Variants in ADAMTSL1 observed in about 807,000 individuals in gnomAD.
The protein encoded by ADAMTSL1 is ADAMTS like 1.
Under a neutral mutation model 201.8 loss-of-function variants are expected in ADAMTSL1, and 126 were observed. The ratio of observed to expected loss-of-function variants is 0.62; its 90% confidence interval spans 0.54 to 0.72. The LOEUF (loss-of-function observed/expected upper bound fraction) is 0.72, where lower values mean the gene tolerates loss of function less well. ADAMTSL1 is among the 30% of genes least tolerant of loss of function. ADAMTSL1 has a pLI of 0.00. For synonymous variants in ADAMTSL1, 1,121 were observed against 903.4 expected (o/e 1.24, Z -4.32); for missense variants, 2,679 against 2,277.8 (o/e 1.18, Z -3.59).
At chr9:18,722,115 C>G (rs974103407) in intron 15 of ADAMTSL1, among the ~76,000 whole-genome samples, 1 of 151,400 alleles carries the variant, frequency 6.6e-6, no homozygotes, top group Non-Finnish European at 1.5e-5. Flanking sequence ...ACACAGCATG[C>G]AGATTCATCG....
Position 18,905,297 on chromosome 9 carries a change from G to C in ADAMTSL1, c.4852-485G>C, listed in dbSNP as rs78801453. Among the ~76,000 whole-genome samples, 55 of 152,294 alleles carry C rather than the reference G, an allele frequency of 3.6e-4. 1 individual carries two copies. The East Asian group carries it at 9.8e-3, about 27-fold the overall frequency. On this transcript the variant is annotated intron_variant, in intron 26 of 28. Transcript: ENST00000380548. The stretch of plus-strand genomic sequence containing the variant: ...GGGAGGACTCTGCATACCTAAGTCT[G>C]CTTTCTGTTCAGTCATCCTAGGTTT...
chr9:18,782,719 T>G (rs1821469323), intron 19 of ADAMTSL1, among the ~76,000 whole-genome samples: 1 of 152,198 alleles, frequency 6.6e-6, no homozygotes, highest in Admixed American at 6.5e-5. Flanking sequence ...TTTAGATGGA[T>G]GTGCTAAGGA....
At chr9:18,587,527 A>G (rs541256625) in intron 4 of ADAMTSL1, among the ~76,000 whole-genome samples, 2 of 152,308 alleles carry the variant, frequency 1.3e-5, no homozygotes, top group African/African-American at 4.8e-5. Flanking sequence ...TTGGAAATAT[A>G]CAATAACTTA....
At chr9:18,261,012 C>CTTT (rs3085417) in intron 2 of ADAMTSL1, among the ~76,000 whole-genome samples, 4 of 104,230 alleles carry the variant, frequency 3.8e-5, no homozygotes, top group East Asian at 2.6e-4. Context: ...TTTCCTTTTT[C>CTTT]TTTTTTTTTT....
chr9:17,934,861 C>T (rs1406203269), intron 1 of ADAMTSL1, among the ~76,000 whole-genome samples: 1 of 144,920 alleles, frequency 6.9e-6, no homozygotes, highest in African/African-American at 2.5e-5. Flanking sequence ...CAAGGATATT[C>T]TTCTAGTAAT....
At chr9:18,358,883 T>C (rs1836374410) in intron 2 of ADAMTSL1, among the ~76,000 whole-genome samples, 1 of 152,194 alleles carries the variant, frequency 6.6e-6, no homozygotes, top group Non-Finnish European at 1.5e-5. Flanking sequence ...TTAGGACCAT[T>C]AAGAATTTGC....
intron 16 of ADAMTSL1, among the ~76,000 whole-genome samples, chr9:18,761,367 G>T (rs574931404): frequency 1.3e-5 from 2 of 152,242 alleles, no homozygotes; most frequent in South Asian, 4.2e-4. Flanking sequence ...TTTGTGTAGA[G>T]ACGTAATTGT....
At chr9:18,639,167 A>C in intron 6 of ADAMTSL1, 87 bp from the exon 7 acceptor site, 10 of 1,321,048 alleles carry the variant, frequency 7.6e-6, no homozygotes, top group Non-Finnish European at 1.1e-5. Context: ...TCCCTTACCT[A>C]GCTCTAAACA....
At chr9:18,685,078 G>A in intron 13 of ADAMTSL1, 3 of 855,864 alleles carry the variant, frequency 3.5e-6, no homozygotes, top group Non-Finnish European at 4.4e-6. Context: ...CTGCGCAAGG[G>A]GCCAAAGGTG....
intron 1 of ADAMTSL1, among the ~76,000 whole-genome samples, chr9:18,065,340 G>A (rs1295465089): frequency 6.6e-6 from 1 of 152,004 alleles, no homozygotes; most frequent in Non-Finnish European, 1.5e-5. Context: ...AAGGATTTAG[G>A]TTTTCATCTT....
chr9:18,636,049 T>C, intron 6 of ADAMTSL1, 32 bp downstream of exon 6: 2 of 1,518,730 alleles, frequency 1.3e-6, no homozygotes, highest in Non-Finnish European at 1.8e-6. Context: ...CTTTGGGAAT[T>C]GGGAATTGTA....
At chr9:18,841,105 G>C (rs1385216202) in intron 23 of ADAMTSL1, among the ~76,000 whole-genome samples, 1 of 150,702 alleles carries the variant, frequency 6.6e-6, no homozygotes, top group Non-Finnish European at 1.5e-5. Context: ...GGGCATCCCT[G>C]TCTTGTGCCA....
At chr9:17,976,456 T>G (rs1205017446) in intron 1 of ADAMTSL1, among the ~76,000 whole-genome samples, 2 of 152,064 alleles carry the variant, frequency 1.3e-5, no homozygotes, top group Non-Finnish European at 2.9e-5. Context: ...TGCTTAAATT[T>G]GTTCCTAAGT....
intron 1 of ADAMTSL1, among the ~76,000 whole-genome samples, chr9:17,961,834 G>C (rs1419003033): frequency 6.6e-6 from 1 of 152,092 alleles, no homozygotes; most frequent in African/African-American, 2.4e-5. Flanking sequence ...GCAGCATGGT[G>C]TGGTCACCAC....
chr9:18,594,739 C>T (rs1374172167), intron 4 of ADAMTSL1, among the ~76,000 whole-genome samples: 1 of 152,122 alleles, frequency 6.6e-6, no homozygotes, highest in African/African-American at 2.4e-5. Context: ...TTTCACTGAT[C>T]ATCCTTAAAA....
intron 2 of ADAMTSL1, among the ~76,000 whole-genome samples, chr9:18,237,178 C>G (rs72684944): frequency 0.062 from 9,493 of 152,248 alleles, 352 homozygotes; most frequent in African/African-American, 0.096. Flanking sequence ...GTGTCAGAAG[C>G]TGTGTCCCAC....
intron 1 of ADAMTSL1, among the ~76,000 whole-genome samples, chr9:18,122,483 A>G (rs550740931): frequency 2.0e-5 from 3 of 152,158 alleles, no homozygotes; most frequent in Admixed American, 6.5e-5. Context: ...AGAATGAGAA[A>G]TGACAGCCTT....
At chr9:18,630,385 TATTG>T (rs1418915661) in intron 5 of ADAMTSL1, among the ~76,000 whole-genome samples, 6 of 152,222 alleles carry the variant, frequency 3.9e-5, no homozygotes, top group Non-Finnish European at 5.9e-5. Context: ...CACACTTATG[TATTG>T]ATTAGTATGC....
intron 7 of ADAMTSL1, among the ~76,000 whole-genome samples, chr9:18,648,648 G>A (rs1827981741): frequency 6.6e-6 from 1 of 151,716 alleles, no homozygotes; most frequent in Admixed American, 6.6e-5. Flanking sequence ...CACTGATGAA[G>A]CTTAGTTTGG....
Sources: allele counts gnomAD v4.1 joint callset (sites outside exome capture counted in the v4.1 genomes callset), GRCh38; gene constraint gnomAD v4.1.1; transcripts MANE v1.5; gene names NCBI Gene and HGNC (gene_info 2026-07-23, HGNC 2026-07-21).